Variants in AUTS2 observed in about 807,000 individuals in gnomAD.
AUTS2 encodes activator of transcription and developmental regulator AUTS2.
AUTS2 carries 17 observed loss-of-function variants against 112.4 expected under a neutral mutation model. That is an observed-to-expected ratio of 0.15 (90% CI 0.10 to 0.23). The LOEUF is 0.23. Ranked by LOEUF, AUTS2 falls within the 10% of genes least tolerant of loss-of-function variation. The probability of loss-of-function intolerance (pLI) is 1.00; values close to 1 mark genes in which losing one functional copy is unlikely to be tolerated. For synonymous variants in AUTS2, 751 were observed against 702.7 expected (o/e 1.07, Z -1.09); for missense variants, 1,510 against 1,701.6 (o/e 0.89, Z 1.98).
chr7:70,513,181 G>A (rs543304688), intron 5 of AUTS2, among the ~76,000 whole-genome samples: 82 of 152,324 alleles, frequency 5.4e-4, no homozygotes, highest in African/African-American at 1.9e-3. Flanking sequence ...AACTTGGGTT[G>A]TGTAAAAAAA....
intron 2 of AUTS2, among the ~76,000 whole-genome samples, chr7:70,007,603 T>C (rs897618470): frequency 3.9e-5 from 6 of 152,338 alleles, no homozygotes; most frequent in African/African-American, 1.2e-4. Flanking sequence ...ATTTCATTTC[T>C]CACATCAGTT....
Position 70,445,046 on chromosome 7 carries a change from A to C in AUTS2, c.690+9265A>C, listed in dbSNP as rs556792011. ...CACTTCACATGAAAGAGAACATTGC[A>C]TTATTCAAAACACTTTTAAAAACAT... is the stretch of plus-strand genomic sequence containing the variant. On this transcript the variant is annotated intron_variant, in intron 5 of 18. Coordinates refer to ENST00000342771, the MANE Select transcript of AUTS2 (RefSeq NM_015570.4). Among the ~76,000 whole-genome samples, 21 of 152,340 alleles carry C rather than the reference A, an allele frequency of 1.4e-4. No homozygotes were observed. In the South Asian group the frequency reaches 4.4e-3, roughly 32 times the overall value.
chr7:70,634,365 C>A (rs557002818), intron 5 of AUTS2, among the ~76,000 whole-genome samples: 8 of 152,330 alleles, frequency 5.3e-5, no homozygotes, highest in Non-Finnish European at 1.2e-4. Context: ...GTGCCTGGGG[C>A]TTTTATCCAG....
chr7:69,819,891 G>A (rs1321362533), intron 1 of AUTS2, among the ~76,000 whole-genome samples: 1 of 152,128 alleles, frequency 6.6e-6, no homozygotes, highest in African/African-American at 2.4e-5. Flanking sequence ...GAGCCACTGG[G>A]CCCAGCCCCC....
intron 4 of AUTS2, among the ~76,000 whole-genome samples, chr7:70,176,936 A>G (rs1287716451): frequency 6.6e-6 from 1 of 152,196 alleles, no homozygotes; most frequent in Admixed American, 6.5e-5. Flanking sequence ...TTGTTTTCTT[A>G]GTGTTGTACC....
chr7:69,924,295 G>A (rs1795922848), intron 2 of AUTS2, among the ~76,000 whole-genome samples: 1 of 151,924 alleles, frequency 6.6e-6, no homozygotes, highest in African/African-American at 2.4e-5. Context: ...ATTTAGTCAT[G>A]ATATATTAAC....
intron 2 of AUTS2, among the ~76,000 whole-genome samples, chr7:69,995,956 G>T (rs993802628): frequency 2.0e-5 from 3 of 152,158 alleles, no homozygotes; most frequent in Non-Finnish European, 4.4e-5. Flanking sequence ...AGTAATGCGA[G>T]TCGGCAGCCC....
At chr7:69,652,070 G>A (rs1434916000) in intron 1 of AUTS2, among the ~76,000 whole-genome samples, 3 of 152,152 alleles carry the variant, frequency 2.0e-5, no homozygotes, top group Non-Finnish European at 4.4e-5. Flanking sequence ...CCTCCAGCTT[G>A]TAGGAGACAC....
intron 1 of AUTS2, among the ~76,000 whole-genome samples, chr7:69,780,099 T>C (rs779376182): frequency 1.3e-5 from 2 of 152,156 alleles, no homozygotes; most frequent in Admixed American, 6.5e-5. Flanking sequence ...CAAGTGATCC[T>C]CCCACTTTGG....
At chr7:70,576,820 G>C (rs1254704947) in intron 5 of AUTS2, among the ~76,000 whole-genome samples, 3 of 152,200 alleles carry the variant, frequency 2.0e-5, no homozygotes, top group Non-Finnish European at 4.4e-5. Flanking sequence ...TGTTGGATTA[G>C]ATCAAATTAA....
At chr7:69,906,131 CT>C (rs200880720) in intron 2 of AUTS2, among the ~76,000 whole-genome samples, 104 of 152,282 alleles carry the variant, frequency 6.8e-4, no homozygotes, top group African/African-American at 2.4e-3. Flanking sequence ...CACATCTTTC[CT>C]TTAATAAGGC....
chr7:69,995,253 A>G (rs371482674), intron 2 of AUTS2, among the ~76,000 whole-genome samples: 1 of 152,050 alleles, frequency 6.6e-6, no homozygotes, highest in Non-Finnish European at 1.5e-5. Context: ...TCCCCATCTA[A>G]ATTTTACTCT....
Position 70,392,676 on chromosome 7 carries a change from A to G in AUTS2, c.661-43076A>G, listed in dbSNP as rs563602156. Among the ~76,000 whole-genome samples, 12 of 152,324 alleles carry G rather than the reference A, an allele frequency of 7.9e-5. No homozygotes were observed. The South Asian group carries it at 1.9e-3, about 24-fold the overall frequency. On this transcript the variant is annotated intron_variant, in intron 4 of 18. Coordinates refer to ENST00000342771, the MANE Select transcript of AUTS2 (RefSeq NM_015570.4). ...TGTAAATAACATATTTTGAAAACCA[A>G]CTGATGCATACTCAGCCTGCCTCCG...
chr7:70,027,837 CTTGT>C (rs745412210), intron 2 of AUTS2, among the ~76,000 whole-genome samples: 113 of 152,222 alleles, frequency 7.4e-4, no homozygotes, highest in Non-Finnish European at 7.2e-4. Context: ...TCTCTTCTGG[CTTGT>C]TTAAGTACAA....
At chr7:69,765,752 C>T (rs150140177) in intron 1 of AUTS2, among the ~76,000 whole-genome samples, 1 of 152,132 alleles carries the variant, frequency 6.6e-6, no homozygotes, top group East Asian at 1.9e-4. Flanking sequence ...CCAGCCTGGG[C>T]AACATGGCAA....
chr7:70,031,757 TTCA>T (rs1339229418), intron 2 of AUTS2, among the ~76,000 whole-genome samples: 1 of 152,174 alleles, frequency 6.6e-6, no homozygotes, highest in African/African-American at 2.4e-5. Context: ...TTTCTGTGTA[TTCA>T]TCGAGTGAAA....
intron 5 of AUTS2, chr7:70,596,905 A>G (rs1162192541): frequency 6.6e-6 from 1 of 152,268 alleles, no homozygotes; most frequent in Non-Finnish European, 1.5e-5. Context: ...ACTAACCAGG[A>G]AAATGAGTAG....
rs188915850 is a variant in AUTS2 at position 70,277,639 on chromosome 7, G to C, written c.660+143068G>C. The stretch of plus-strand genomic sequence containing the variant: ...GGGGGAGATTTTATTTTGATAGAGA[G>C]TAACAAATAGACTAATAATCTATCT... On this transcript the variant is annotated intron_variant, in intron 4 of 18. Coordinates refer to ENST00000342771, the MANE Select transcript of AUTS2 (RefSeq NM_015570.4). Among the ~76,000 whole-genome samples the C allele has an allele frequency of 1.2e-3, 180 of 152,152 alleles. 2 individuals are homozygous for C. Among genetic ancestry groups the C allele is most frequent in the Non-Finnish European group, 2.4e-4 (16 of 68,012 alleles).
intron 5 of AUTS2, among the ~76,000 whole-genome samples, chr7:70,507,911 CA>C (rs1563003105): frequency 6.6e-6 from 1 of 152,184 alleles, no homozygotes; most frequent in Non-Finnish European, 1.5e-5. Flanking sequence ...CTCATATGGG[CA>C]ATGCATGTGT....
Sources: allele counts gnomAD v4.1 joint callset (sites outside exome capture counted in the v4.1 genomes callset), GRCh38; gene constraint gnomAD v4.1.1; transcripts MANE v1.5; gene names NCBI Gene and HGNC (gene_info 2026-07-23, HGNC 2026-07-21).